Variants in CAMK4 observed in about 807,000 individuals in gnomAD.
CAMK4 encodes calcium/calmodulin-dependent protein kinase type IV.
In CAMK4, 22 loss-of-function variants were observed where a neutral mutation model predicts 44.9. The observed-to-expected ratio is 0.49, with a 90% CI of 0.35 to 0.70. The LOEUF is 0.70. Among genes scored for constraint, CAMK4 ranks in the 30% least tolerant of loss-of-function variants. The probability of loss-of-function intolerance (pLI) is 0.01; values close to 1 mark genes in which losing one functional copy is unlikely to be tolerated. For synonymous variants in CAMK4, 218 were observed against 215.4 expected (o/e 1.01, Z -0.11); for missense variants, 498 against 586.8 (o/e 0.85, Z 1.56).
At chr5:111,438,954 G>A (rs930102056) in intron 5 of CAMK4, among the ~76,000 whole-genome samples, 16 of 152,128 alleles carry the variant, frequency 1.1e-4, no homozygotes, top group Non-Finnish European at 1.9e-4. Context: ...ACAACCTGGG[G>A]TCTGCATCCC....
chr5:111,414,707 A>T (rs542961238), intron 5 of CAMK4, among the ~76,000 whole-genome samples: 1 of 152,352 alleles, frequency 6.6e-6, no homozygotes, highest in Admixed American at 6.5e-5. Flanking sequence ...TTTTAAAACC[A>T]ATATTTAGCC....
At chr5:111,418,069 G>A (rs776434523) in intron 5 of CAMK4, among the ~76,000 whole-genome samples, 1 of 152,006 alleles carries the variant, frequency 6.6e-6, no homozygotes, top group African/African-American at 2.4e-5. Flanking sequence ...TATCTGTTGG[G>A]GAATCTGCCC....
chr5:111,229,777 G>A (rs1696569962), intron 1 of CAMK4, among the ~76,000 whole-genome samples: 1 of 152,128 alleles, frequency 6.6e-6, no homozygotes, highest in Non-Finnish European at 1.5e-5. Flanking sequence ...TGCCAACCCT[G>A]TCTTGTTCTC....
At chr5:111,406,232 GT>G (rs1282468341) in intron 5 of CAMK4, among the ~76,000 whole-genome samples, 1 of 90,128 alleles carries the variant, frequency 1.1e-5, no homozygotes, top group Non-Finnish European at 2.2e-5. Flanking sequence ...CTCGTTTTTG[GT>G]TTTTTAGACA....
chr5:111,238,134 A>C (rs1280502593), intron 1 of CAMK4, among the ~76,000 whole-genome samples: 2 of 152,022 alleles, frequency 1.3e-5, no homozygotes, highest in Non-Finnish European at 2.9e-5. Context: ...TACCAGCTTT[A>C]CTTCTTGTTT....
At chr5:111,234,547 G>A (rs1022805924) in intron 1 of CAMK4, among the ~76,000 whole-genome samples, 2 of 152,168 alleles carry the variant, frequency 1.3e-5, no homozygotes, top group African/African-American at 2.4e-5. Context: ...AATGCACTTC[G>A]TGGCAAATTT....
intron 1 of CAMK4, among the ~76,000 whole-genome samples, chr5:111,263,139 C>T (rs980240530): frequency 2.0e-5 from 3 of 152,292 alleles, no homozygotes; most frequent in South Asian, 2.1e-4. Flanking sequence ...GGAACACTTT[C>T]AATGATAAAT....
At chr5:111,233,050 C>CA (rs1289231832) in intron 1 of CAMK4, among the ~76,000 whole-genome samples, 1 of 151,840 alleles carries the variant, frequency 6.6e-6, no homozygotes, top group African/African-American at 2.4e-5. Flanking sequence ...TTTCACATCA[C>CA]AAAATAGTAT....
At chr5:111,317,528 T>C (rs1228236897) in intron 1 of CAMK4, among the ~76,000 whole-genome samples, 1 of 152,186 alleles carries the variant, frequency 6.6e-6, no homozygotes, top group Non-Finnish European at 1.5e-5. Flanking sequence ...CAGCCAATAA[T>C]TGTAACACAA....
intron 7 of CAMK4, among the ~76,000 whole-genome samples, chr5:111,462,589 A>T (rs1002291032): frequency 2.0e-5 from 3 of 152,226 alleles, no homozygotes; most frequent in African/African-American, 7.2e-5. Flanking sequence ...AGCTCTTCTG[A>T]TGAAGAATGC....
At chr5:111,287,601 C>G (rs1051425502) in intron 1 of CAMK4, among the ~76,000 whole-genome samples, 2 of 152,002 alleles carry the variant, frequency 1.3e-5, no homozygotes, top group African/African-American at 4.8e-5. Context: ...GTCAAAATGT[C>G]AAAATGTTTT....
At chr5:111,471,869 A>C (rs1755077742) in intron 7 of CAMK4, among the ~76,000 whole-genome samples, 1 of 151,826 alleles carries the variant, frequency 6.6e-6, no homozygotes, top group Non-Finnish European at 1.5e-5. Context: ...CCATGAGGAT[A>C]GCCTCCCTCC....
intron 1 of CAMK4, among the ~76,000 whole-genome samples, chr5:111,325,050 CTT>C (rs939625792): frequency 5.9e-5 from 9 of 151,578 alleles, no homozygotes; most frequent in African/African-American, 1.9e-4. Context: ...CTCCCTGTGT[CTT>C]TGTGTTCTCA....
chr5:111,348,279 A>G (rs967582212), intron 2 of CAMK4, among the ~76,000 whole-genome samples: 1 of 152,004 alleles, frequency 6.6e-6, no homozygotes, highest in Non-Finnish European at 1.5e-5. Context: ...GTACTCAAAT[A>G]TCTGGGTTTT....
At position 111,482,585 on chromosome 5, in the gene CAMK4, G is replaced by A. The variant is rs979497464; in HGVS notation, c.829-200G>A. The A allele has an allele frequency of 2.5e-5, 10 of 404,508 alleles. No homozygotes were observed. The highest frequency in any genetic ancestry group is 1.5e-4 in the East Asian group (4 of 25,886). 25.1% of individuals were successfully genotyped at this position (404,508 alleles called of 1,614,324 possible). A position where few individuals can be genotyped will look rare whatever the true frequency, so the allele number is the denominator to read the frequency against. ...GGGGTCTCAGGTGGTACATGGCCCT[G>A]TCTTCTCATACTCCCTCAGCTACTG... On this transcript the variant is annotated intron_variant, in intron 9 of 10. Transcript: ENST00000282356. The surrounding 1 kb of genome is among the most constrained non-coding windows in gnomAD (Gnocchi z 4.9).
intron 1 of CAMK4, among the ~76,000 whole-genome samples, chr5:111,236,633 G>A (rs1464587739): frequency 6.6e-6 from 1 of 152,144 alleles, no homozygotes; most frequent in Non-Finnish European, 1.5e-5. Context: ...AACTCTCTTG[G>A]CCTGAAATGT....
intron 1 of CAMK4, among the ~76,000 whole-genome samples, chr5:111,286,623 A>G (rs1484646227): frequency 2.0e-5 from 3 of 152,144 alleles, no homozygotes; most frequent in Non-Finnish European, 4.4e-5. Context: ...ATTACATGCT[A>G]TTTGCTATGT....
At chr5:111,413,602 G>A (rs1262773336) in intron 5 of CAMK4, among the ~76,000 whole-genome samples, 1 of 151,682 alleles carries the variant, frequency 6.6e-6, no homozygotes, top group Non-Finnish European at 1.5e-5. Flanking sequence ...TTATTATGGA[G>A]CTAAAGCTAT....
At chr5:111,318,653 A>C (rs1214900204) in intron 1 of CAMK4, among the ~76,000 whole-genome samples, 1 of 152,170 alleles carries the variant, frequency 6.6e-6, no homozygotes, top group Non-Finnish European at 1.5e-5. Context: ...AATGTCTCTT[A>C]AATTGTAATG....
Sources: gnomAD v4.1 joint callset for allele counts (sites outside exome capture counted in the v4.1 genomes callset) on GRCh38, gnomAD v4.1.1 for gene constraint, Gnocchi (gnomAD v3.1) non-coding constraint, MANE v1.5 for transcripts, NCBI Gene and HGNC (gene_info 2026-07-23, HGNC 2026-07-21) for gene names.